ATP6V1H: variants seen among roughly 807,000 people sequenced by gnomAD.
ATP6V1H encodes the protein ATPase H+ transporting V1 subunit H.
In ATP6V1H, 39 loss-of-function variants were observed where a neutral mutation model predicts 71.7. That is an observed-to-expected ratio of 0.54 (90% confidence interval 0.42 to 0.71). ATP6V1H has a LOEUF of 0.71. ATP6V1H is among the 30% of genes least tolerant of loss of function. The pLI is 0.00. For synonymous variants in ATP6V1H, 192 were observed against 199.3 expected, an observed-to-expected ratio of 0.96 and a Z score of 0.31; for missense variants, 509 against 594.9, an observed-to-expected ratio of 0.86 and a Z score of 1.50.
intron 9 of ATP6V1H, among the ~76,000 whole-genome samples, chr8:53,784,677 G>A (rs181848766): frequency 0.048 from 7,294 of 152,164 alleles, 518 homozygotes; most frequent in African/African-American, 0.15. Context: ...GGCTGGTACC[G>A]GTTGTTCCTT....
chr8:53,718,326 T>C (rs1178042747), intron 13 of ATP6V1H, among the ~76,000 whole-genome samples: 1 of 152,012 alleles, frequency 6.6e-6, no homozygotes. Flanking sequence ...CCATCTTCCA[T>C]TCATTTTTTT....
chr8:53,784,778 A>T (rs980015733), intron 9 of ATP6V1H, among the ~76,000 whole-genome samples: 1 of 152,148 alleles, frequency 6.6e-6, no homozygotes, highest in African/African-American at 2.4e-5. Context: ...AAATGATTTT[A>T]TTTCTCCTTC....
intron 9 of ATP6V1H, among the ~76,000 whole-genome samples, chr8:53,780,530 TTTC>T (rs1474511298): frequency 6.6e-6 from 1 of 152,132 alleles, no homozygotes; most frequent in Non-Finnish European, 1.5e-5. Context: ...TATATTTTTT[TTTC>T]TTTTTTTTAA....
At chr8:53,786,107 TTTTG>T (rs1809373540) in intron 9 of ATP6V1H, among the ~76,000 whole-genome samples, 1 of 152,196 alleles carries the variant, frequency 6.6e-6, no homozygotes, top group Admixed American at 6.5e-5. Flanking sequence ...TACTGCTGCC[TTTTG>T]TTTGTCTGTG....
At chr8:53,838,475 T>C (rs754814567) in intron 2 of ATP6V1H, among the ~76,000 whole-genome samples, 2 of 152,216 alleles carry the variant, frequency 1.3e-5, no homozygotes, top group Non-Finnish European at 2.9e-5. Context: ...CCAGCATTTA[T>C]TTGCTCCCAC....
At chr8:53,753,954 C>T (rs1226821391) in intron 12 of ATP6V1H, among the ~76,000 whole-genome samples, 1 of 152,138 alleles carries the variant, frequency 6.6e-6, no homozygotes, top group Non-Finnish European at 1.5e-5. Flanking sequence ...TAGTTTATTG[C>T]TCACAGCAAC....
chr8:53,737,609 G>A (rs1014664994), intron 13 of ATP6V1H, among the ~76,000 whole-genome samples: 5 of 152,190 alleles, frequency 3.3e-5, no homozygotes, highest in Admixed American at 1.3e-4. Context: ...ATCTGATACC[G>A]TGTGGTGGGA....
intron 6 of ATP6V1H, 84 bp from the exon 7 acceptor site, chr8:53,811,301 C>T: frequency 1.8e-6 from 2 of 1,141,444 alleles, no homozygotes; most frequent in South Asian, 1.3e-5. Flanking sequence ...GCTAAGCAAA[C>T]TTTTCCCCTA....
chr8:53,728,173 G>C (rs550997949), intron 13 of ATP6V1H, among the ~76,000 whole-genome samples: 2 of 151,996 alleles, frequency 1.3e-5, no homozygotes, highest in Non-Finnish European at 2.9e-5. Context: ...CCATTATTCC[G>C]GGAAAATGTC....
intron 12 of ATP6V1H, among the ~76,000 whole-genome samples, chr8:53,744,453 CTCAGCTTCCA>C (rs1807528264): frequency 1.3e-5 from 2 of 152,202 alleles, no homozygotes; most frequent in Non-Finnish European, 2.9e-5. Context: ...GCTGTGGAGT[CTCAGCTTCCA>C]CACAACAGTG....
chr8:53,755,725 TATATATATATATATA>T (rs1563451184), intron 12 of ATP6V1H, among the ~76,000 whole-genome samples: 1 of 7,904 alleles, frequency 1.3e-4, no homozygotes, highest in African/African-American at 7.6e-4. Flanking sequence ...TATATATATA[TATATATATATATATA>T]TATATTTTTT....
chr8:53,804,491 A>G (rs991925467), intron 7 of ATP6V1H, among the ~76,000 whole-genome samples: 2 of 152,304 alleles, frequency 1.3e-5, no homozygotes, highest in South Asian at 2.1e-4. Flanking sequence ...CCTGGCCAAC[A>G]TGGCAAAGTC....
At chr8:53,779,962 C>G (rs559641186) in intron 9 of ATP6V1H, among the ~76,000 whole-genome samples, 3 of 152,086 alleles carry the variant, frequency 2.0e-5, no homozygotes, top group East Asian at 3.9e-4. Context: ...GGTTCTAGAC[C>G]AGCCTGGCCA....
At chr8:53,839,065 A>G (rs1161422863) in intron 2 of ATP6V1H, among the ~76,000 whole-genome samples, 1 of 152,246 alleles carries the variant, frequency 6.6e-6, no homozygotes, top group African/African-American at 2.4e-5. Flanking sequence ...TGTGAGATGG[A>G]CATCAGAACA....
intron 9 of ATP6V1H, among the ~76,000 whole-genome samples, chr8:53,775,938 C>T (rs929957325): frequency 2.6e-5 from 4 of 152,240 alleles, no homozygotes; most frequent in African/African-American, 7.2e-5. Context: ...GACTGGGCGC[C>T]GTGGAGCAGG....
intron 9 of ATP6V1H, among the ~76,000 whole-genome samples, chr8:53,782,746 C>T (rs1327524680): frequency 6.6e-6 from 1 of 152,052 alleles, no homozygotes; most frequent in Non-Finnish European, 1.5e-5. Flanking sequence ...GAGTTTTTAG[C>T]ATGAAGGGTT....
intron 12 of ATP6V1H, among the ~76,000 whole-genome samples, chr8:53,745,774 G>A (rs944362641): frequency 2.4e-4 from 36 of 152,104 alleles, no homozygotes; most frequent in African/African-American, 8.2e-4. Flanking sequence ...CGTAAAGGAC[G>A]CTTGTTTCTA....
intron 6 of ATP6V1H, among the ~76,000 whole-genome samples, chr8:53,813,019 G>A (rs990516896): frequency 1.3e-4 from 20 of 152,124 alleles, no homozygotes; most frequent in Admixed American, 1.1e-3. Context: ...TTTAAAGGGA[G>A]AGATCATTTC....
intron 6 of ATP6V1H, among the ~76,000 whole-genome samples, chr8:53,814,194 C>A (rs1360809536): frequency 1.3e-5 from 2 of 152,110 alleles, no homozygotes; most frequent in East Asian, 3.9e-4. Flanking sequence ...TCTCCAAAAA[C>A]CAAGATTTCT....
Sources: gnomAD v4.1 joint callset for allele counts (sites outside exome capture counted in the v4.1 genomes callset) on GRCh38, gnomAD v4.1.1 for gene constraint, MANE v1.5 for transcripts, NCBI Gene and HGNC (gene_info 2026-07-23, HGNC 2026-07-21) for gene names.